RASA1: variants seen among roughly 807,000 people sequenced by gnomAD.
RASA1 encodes RAS p21 protein activator 1, also known as ras GTPase-activating protein 1.
RASA1 carries 25 observed loss-of-function variants against 132.2 expected under a neutral mutation model. The ratio of observed to expected loss-of-function variants is 0.19; its 90% CI spans 0.14 to 0.26. The LOEUF (loss-of-function observed/expected upper bound fraction) is 0.26, where lower values mean the gene tolerates loss of function less well. RASA1 is among the 10% of genes least tolerant of loss of function. The pLI is 1.00. For synonymous variants in RASA1, 477 were observed against 449.9 expected (o/e 1.06, Z -0.76); for missense variants, 964 against 1,299.2 (o/e 0.74, Z 3.97).
chr5:87,302,046 T>G (rs1755389488), intron 1 of RASA1, among the ~76,000 whole-genome samples: 1 of 152,172 alleles, frequency 6.6e-6, no homozygotes, highest in Admixed American at 6.5e-5. Context: ...TAGACATTTA[T>G]GTTATACACC....
chr5:87,360,975 TTA>T, intron 9 of RASA1, among the ~76,000 whole-genome samples: 1 of 152,344 alleles, frequency 6.6e-6, no homozygotes, highest in African/African-American at 2.4e-5. Flanking sequence ...AGATGGCCTT[TTA>T]TGTTTTTACA....
Position 87,268,872 on chromosome 5 carries a change from C to G in RASA1, c.421C>G (p.Pro141Ala), listed in dbSNP as rs1303085373. 4 of 1,614,198 alleles carry G rather than the reference C, an allele frequency of 2.5e-6. No homozygotes were observed. In the South Asian group the frequency reaches 3.3e-5, roughly 13 times the overall value. The change falls in exon 1 of 25, where the codon CCT (proline) becomes GCT (alanine). Residue 141 changes from proline (P) to alanine (A), a missense_variant. By Grantham distance (27) the Pro-to-Ala change is conservative. Transcript: ENST00000274376. Reference sequence around the variant, plus strand: ...CGGTTTTCCCCCTCTGCCCCCTCCCCCTTACCTGCCCCCTTTGGGGGCGGG... The same window carrying G: ...CGGTTTTCCCCCTCTGCCCCCTCCCGCTTACCTGCCCCCTTTGGGGGCGGG... ...GGGFPPLPPP[P>A]YLPPLGAGLG... is the part of the protein sequence containing the mutation.
At chr5:87,359,211 G>C (rs1425822415) in intron 9 of RASA1, among the ~76,000 whole-genome samples, 6 of 152,132 alleles carry the variant, frequency 3.9e-5, no homozygotes, top group Admixed American at 6.6e-5. Context: ...GCTAGGATCT[G>C]CAAGTTAAGT....
At position 87,294,091 on chromosome 5, in the gene RASA1, A is replaced by G. The variant is rs186665345; in HGVS notation, c.539+25101A>G. 2.6e-5 allele frequency: 4 copies of G among 152,026 alleles called. No homozygotes were observed. In the East Asian group the frequency reaches 7.7e-4, roughly 29 times the overall value. The allele number at this position is 152,026 out of a possible 1,614,324, so 9.4% of individuals were successfully genotyped here. A position where few individuals can be genotyped will look rare whatever the true frequency, so the allele number is the denominator to read the frequency against. On this transcript the variant is annotated intron_variant, in intron 1 of 24. Coordinates refer to ENST00000274376, the MANE Select transcript of RASA1 (RefSeq NM_002890.3). Reference sequence around the variant, plus strand: ...CATTGATTTTTGCTGTAATTTCTATATTTCTCTTTATCTGCTTACTTTGGA... The same window carrying G: ...CATTGATTTTTGCTGTAATTTCTATGTTTCTCTTTATCTGCTTACTTTGGA...
intron 8 of RASA1, among the ~76,000 whole-genome samples, chr5:87,349,852 T>G (rs1759129471): frequency 6.6e-6 from 1 of 151,916 alleles, no homozygotes; most frequent in South Asian, 2.1e-4. Flanking sequence ...AACTCATTGT[T>G]TGTCCCAAAA....
chr5:87,335,138 T>TC (rs1361872774), intron 4 of RASA1, among the ~76,000 whole-genome samples: 1 of 152,136 alleles, frequency 6.6e-6, no homozygotes, highest in Non-Finnish European at 1.5e-5. Context: ...CGCCTTGGCC[T>TC]CCCAAAGTGC....
At chr5:87,311,333 G>A (rs1057114010) in intron 1 of RASA1, among the ~76,000 whole-genome samples, 1 of 152,160 alleles carries the variant, frequency 6.6e-6, no homozygotes, top group Non-Finnish European at 1.5e-5. Flanking sequence ...TGGAGGCTTT[G>A]TATCTACAAC....
chr5:87,278,086 G>A (rs1754144610), intron 1 of RASA1, among the ~76,000 whole-genome samples: 2 of 152,100 alleles, frequency 1.3e-5, no homozygotes, highest in Admixed American at 1.3e-4. Context: ...CCTCTTTTAA[G>A]TGTTTTTTGT....
At chr5:87,303,964 G>T (rs371212483) in intron 1 of RASA1, among the ~76,000 whole-genome samples, 5 of 149,388 alleles carry the variant, frequency 3.3e-5, no homozygotes, top group South Asian at 4.3e-4. Flanking sequence ...CTCCCAAGTA[G>T]CTGGGACCAC....
intron 1 of RASA1, among the ~76,000 whole-genome samples, chr5:87,287,838 A>G (rs1189310523): frequency 1.0e-5 from 1 of 97,718 alleles, no homozygotes; most frequent in Non-Finnish European, 2.0e-5. Context: ...CACCATATAT[A>G]TACCATATAT....
chr5:87,375,018 G>A (rs1761225412), intron 15 of RASA1, 102 bp downstream of exon 15: 1 of 1,392,738 alleles, frequency 7.2e-7, no homozygotes, highest in East Asian at 2.5e-5. Context: ...AAACAGAAAT[G>A]CAAGTAGTAT....
At chr5:87,280,881 C>G (rs946957831) in intron 1 of RASA1, among the ~76,000 whole-genome samples, 11 of 150,256 alleles carry the variant, frequency 7.3e-5, no homozygotes, top group African/African-American at 2.7e-4. Flanking sequence ...CTCAGCATCC[C>G]GAGTAGCTGG....
intron 2 of RASA1, 122 bp from the exon 3 acceptor site, chr5:87,332,385 T>A: frequency 9.9e-7 from 1 of 1,012,168 alleles, no homozygotes; most frequent in Non-Finnish European, 1.5e-6. Context: ...TATTTTAGTA[T>A]AAGGATATAG....
intron 20 of RASA1, 35 bp from the exon 21 acceptor site, chr5:87,383,678 T>TAAAAAA: frequency 7.6e-7 from 1 of 1,319,676 alleles, no homozygotes; most frequent in Non-Finnish European, 1.0e-6. Context: ...AGGTGTTTTC[T>TAAAAAA]AAAAAAAAAA....
chr5:87,360,183 A>G (rs1025160370), intron 9 of RASA1, among the ~76,000 whole-genome samples: 2 of 149,708 alleles, frequency 1.3e-5, no homozygotes, highest in African/African-American at 2.5e-5. Flanking sequence ...TTGGAGTGGA[A>G]TGGCATGATC....
rs138818535 is a variant in RASA1 at position 87,375,329 on chromosome 5, C to T, written c.2011+413C>T. ...AGGCTGCAGTGCAGTGGTGTGATCT[C>T]GGCTCACTGCAACCTCCGCCTCCCA... On this transcript the variant is annotated intron_variant, in intron 15 of 24. Transcript: ENST00000274376. Among the ~76,000 whole-genome samples the T allele has an allele frequency of 6.6e-5, 10 of 150,630 alleles. No homozygotes were observed. In the East Asian group the frequency reaches 1.8e-3, roughly 27 times the overall value.
chr5:87,280,675 T>C (rs13187687), intron 1 of RASA1, among the ~76,000 whole-genome samples: 3,352 of 152,338 alleles, frequency 0.022, 51 homozygotes, highest in Middle Eastern at 0.034. Flanking sequence ...GTCTGTGTCT[T>C]TGGCCCATTT....
intron 1 of RASA1, among the ~76,000 whole-genome samples, chr5:87,288,378 G>A (rs563350320): frequency 5.3e-5 from 8 of 152,140 alleles, no homozygotes; most frequent in East Asian, 1.9e-4. Context: ...CAGCAACGAT[G>A]TCATCAAACC....
At chr5:87,277,436 C>T (rs759125569) in intron 1 of RASA1, among the ~76,000 whole-genome samples, 34 of 152,088 alleles carry the variant, frequency 2.2e-4, no homozygotes, top group African/African-American at 4.1e-4. Flanking sequence ...TCCTATAGGA[C>T]GGGTACCTTT....
Sources: gnomAD v4.1 joint callset for allele counts (sites outside exome capture counted in the v4.1 genomes callset) on GRCh38, gnomAD v4.1.1 for gene constraint, MANE v1.5 for transcripts, NCBI Gene and HGNC (gene_info 2026-07-23, HGNC 2026-07-21) for gene names.